The following ZNF816 variants were observed in gnomAD, a reference collection of about 807,000 sequenced individuals.
The protein encoded by ZNF816 is zinc finger protein 816A.
ZNF816 carries 11 observed loss-of-function variants against 8.3 expected under a neutral mutation model. That is an observed-to-expected ratio of 1.32 (90% CI 0.83 to 2.19). The LOEUF (loss-of-function observed/expected upper bound fraction) is 2.19, where lower values mean the gene tolerates loss of function less well. Ranked by LOEUF, ZNF816 falls within the 30% of genes most tolerant of loss-of-function variation. The probability of loss-of-function intolerance (pLI) is 0.00; values close to 1 mark genes in which losing one functional copy is unlikely to be tolerated. For synonymous variants in ZNF816, 255 were observed against 254.5 expected (o/e 1.00, Z -0.02); for missense variants, 710 against 779.3 (o/e 0.91, Z 1.06).
chr19:52,961,645 C>T (rs1365010608), intron 1 of ZNF816, among the ~76,000 whole-genome samples: 2 of 152,186 alleles, frequency 1.3e-5, no homozygotes, highest in Non-Finnish European at 2.9e-5. Flanking sequence ...CCCAAGTTGC[C>T]ATTTTAGTCC....
chr19:52,951,025 G>C lies in ZNF816; in HGVS notation c.750C>G (p.Thr250=), dbSNP rs149141835. 24 of 1,613,820 alleles carry C rather than the reference G, an allele frequency of 1.5e-5. No homozygotes were observed. The highest frequency in any genetic ancestry group is 2.0e-5 in the Non-Finnish European group (24 of 1,179,986). The change falls in exon 4 of 4, where the codon ACC becomes ACG. Residue 250 remains threonine (T), a synonymous_variant. Coordinates refer to ENST00000444460, the MANE Select transcript of ZNF816 (RefSeq NM_001202457.3). ...YSSLLRRHHI[T]HSREREYKCD... ...ATTTATATTCTCTCTCTCTTGAATG[G>C]GTTATGTGGTGTCTCCTTAAGAGTG... is the stretch of plus-strand genomic sequence containing the variant.
intron 1 of ZNF816, 116 bp downstream of exon 1, chr19:52,962,611 C>A (rs2083567180): frequency 6.6e-6 from 1 of 152,196 alleles, no homozygotes; most frequent in Non-Finnish European, 1.5e-5. Flanking sequence ...AAGGGTTTTG[C>A]TAAGGAAAGT....
rs148507160 is a variant in ZNF816, at chr19:52,960,897, C to T, written c.-16+1830G>A. The stretch of plus-strand genomic sequence containing the variant: ...CGACAAGCCCTGCTCCAGTCACACC[C>T]GGAAGCTGACTGGTCCTACGCACAG... On this transcript the variant is annotated intron_variant, in intron 1 of 3. Transcript: ENST00000444460. Among the ~76,000 whole-genome samples the T allele has an allele frequency of 3.8e-4, 58 of 152,292 alleles. No homozygotes were observed. In the East Asian group the frequency reaches 8.9e-3, roughly 23 times the overall value.
intron 3 of ZNF816, 148 bp from the exon 4 acceptor site, chr19:52,951,732 T>A: frequency 1.3e-6 from 1 of 769,094 alleles, no homozygotes; most frequent in Non-Finnish European, 1.9e-6. Context: ...ACACTGTCTC[T>A]ACTGAACATA....
chr19:52,954,750 A>T (rs528632573), intron 2 of ZNF816, among the ~76,000 whole-genome samples: 1 of 149,140 alleles, frequency 6.7e-6, no homozygotes, highest in African/African-American at 2.5e-5. Context: ...TTTGAACCTG[A>T]GAGCCAGAGG....
intron 1 of ZNF816, among the ~76,000 whole-genome samples, chr19:52,961,794 A>G (rs181906012): frequency 2.6e-4 from 40 of 152,252 alleles, no homozygotes; most frequent in East Asian, 5.8e-4. Flanking sequence ...CATTCCCTCA[A>G]TGTTGCTTCT....
chr19:52,949,427 CA>C lies in ZNF816; in HGVS notation c.*391del, dbSNP rs1230577143. On this transcript the variant is annotated 3_prime_UTR_variant, in exon 4 of 4. Transcript: ENST00000444460. ...TTCATTTTATTTGGAACAATTATCT[CA>C]AAAATGAATTTTCTGATGTTCTGCA... 1 of 298,614 alleles carries C rather than the reference CA, an allele frequency of 3.3e-6. No individual in the cohort carries two copies. The highest frequency in any genetic ancestry group is 6.7e-6 in the Non-Finnish European group (1 of 150,354). The allele number at this position is 298,614 out of a possible 1,614,324, so 18.5% of individuals were successfully genotyped here.
At chr19:52,959,056 G>A (rs529765201) in intron 1 of ZNF816, among the ~76,000 whole-genome samples, 126 of 152,354 alleles carry the variant, frequency 8.3e-4, no homozygotes, top group African/African-American at 2.9e-3. Context: ...GGCCCTGGCC[G>A]AGGCCAGTGG....
rs1252741740 is a variant in ZNF816, at chr19:52,951,178, G to C, written c.597C>G (p.Leu199=). ...ASESQRISCR[L]KTHISNKYGK... The stretch of plus-strand genomic sequence containing the variant: ...CATACTTATTAGAAATATGAGTTTT[G>C]AGCCTACAAGAAATTCTTTGGGATT... The change falls in exon 4 of 4, where the codon CTC becomes CTG. Residue 199 remains leucine, a synonymous_variant. Coordinates refer to ENST00000444460, the MANE Select transcript of ZNF816 (RefSeq NM_001202457.3). The C allele has an allele frequency of 2.5e-6, 4 of 1,612,738 alleles. No homozygotes were observed. The African/African-American group carries it at 4.1e-5, about 16-fold the overall frequency.
chr19:52,949,541 G>A lies in ZNF816; in HGVS notation c.*278C>T. The A allele has an allele frequency of 1.5e-6, 1 of 657,558 alleles. No homozygotes were observed. Among genetic ancestry groups the A allele is most frequent in the Non-Finnish European group, 2.9e-6 (1 of 349,708 alleles). The allele number at this position is 657,558 out of a possible 1,614,324, so 40.7% of individuals were successfully genotyped here. A position where few individuals can be genotyped will look rare whatever the true frequency, so the allele number is the denominator to read the frequency against. ...AATTCTCTGATGTCTAATGAGGTGT[G>A]AACATGAAGTAAAGGCTTTGCCACA... On this transcript the variant is annotated 3_prime_UTR_variant, in exon 4 of 4. Transcript: ENST00000444460.
At position 52,949,492 on chromosome 19, in the gene ZNF816, T is replaced by G; in HGVS notation, c.*327A>C. ...GAGTGAAGACCTTGCCACCCTTACA[T>G]TTGTAAGGCATCTGTCCAGTATGAA... is the stretch of plus-strand genomic sequence containing the variant. On this transcript the variant is annotated 3_prime_UTR_variant, in exon 4 of 4. Transcript: ENST00000444460. 5.8e-6 allele frequency: 3 copies of G among 513,344 alleles called. No individual in the cohort carries two copies. The highest frequency in any genetic ancestry group is 7.5e-6 in the Non-Finnish European group (2 of 266,366). 31.8% of individuals were successfully genotyped at this position (513,344 alleles called of 1,614,324 possible).
At chr19:52,952,608 A>C in intron 3 of ZNF816, 143 bp downstream of exon 3, 6 of 1,477,754 alleles carry the variant, frequency 4.1e-6, no homozygotes, top group Non-Finnish European at 5.4e-6. Context: ...TCCATGACAG[A>C]TAGGAGGGTC....
At position 52,949,657 on chromosome 19, in the gene ZNF816, T is replaced by G. The variant is rs1377339915; in HGVS notation, c.*162A>C. 5 of 1,113,340 alleles carry G rather than the reference T, an allele frequency of 4.5e-6. No homozygotes were observed. The highest frequency in any genetic ancestry group is 6.8e-6 in the Non-Finnish European group (5 of 740,122). The allele number at this position is 1,113,340 out of a possible 1,614,324, so 69.0% of individuals were successfully genotyped here. A position where few individuals can be genotyped will look rare whatever the true frequency, so the allele number is the denominator to read the frequency against. Reference sequence around the variant, plus strand: ...TGAAGACCTTGTCACAGTCATGATATTTGTAAGGTTTCTCTCCAGTATGAG... The same window carrying G: ...TGAAGACCTTGTCACAGTCATGATAGTTGTAAGGTTTCTCTCCAGTATGAG... On this transcript the variant is annotated 3_prime_UTR_variant, in exon 4 of 4. Transcript: ENST00000444460.
At position 52,950,421 on chromosome 19, in the gene ZNF816, G is replaced by C. The variant is rs765115565; in HGVS notation, c.1354C>G (p.Pro452Ala). ...CTGCCACATTTATTACACTTGTATGGTTTCTCTCCAGTATGAACTCTCTGA... is the reference window on the plus strand; with the variant it reads ...CTGCCACATTTATTACACTTGTATGCTTTCTCTCCAGTATGAACTCTCTGA... ...EHQRVHTGEK[P>A]YKCNKCGRSF... The change falls in exon 4 of 4, where the codon CCA becomes GCA. Residue 452 changes from proline (P) to alanine (A), a missense_variant. Coordinates refer to ENST00000444460, the MANE Select transcript of ZNF816 (RefSeq NM_001202457.3). 1.9e-6 allele frequency: 3 copies of C among 1,613,224 alleles called. No homozygotes were observed. Among genetic ancestry groups the C allele is most frequent in the Non-Finnish European group, 2.5e-6 (3 of 1,179,922 alleles).
intron 1 of ZNF816, among the ~76,000 whole-genome samples, chr19:52,962,464 C>A (rs1442098354): frequency 1.3e-5 from 2 of 152,034 alleles, no homozygotes; most frequent in African/African-American, 4.8e-5. Flanking sequence ...AAAGCACCGG[C>A]CACCCTGGGG....
chr19:52,949,846 A>G lies in ZNF816; in HGVS notation c.1929T>C (p.His643=), dbSNP rs761417346. ...QSTLIHHQAI[H]GCRETLQM ...ACATTTGTAAAGTTTCCCTACACCC[A>G]TGGATTGCTTGATGGTGAATAAGTG... The change falls in exon 4 of 4, where the codon CAT becomes CAC. Residue 643 remains histidine, a synonymous_variant. Coordinates refer to ENST00000444460, the MANE Select transcript of ZNF816 (RefSeq NM_001202457.3). 14 of 1,613,680 alleles carry G rather than the reference A, an allele frequency of 8.7e-6. No individual in the cohort carries two copies. The Admixed American group carries it at 2.2e-4, about 25-fold the overall frequency.
At chr19:52,961,809 A>G (rs2083559401) in intron 1 of ZNF816, among the ~76,000 whole-genome samples, 1 of 152,206 alleles carries the variant, frequency 6.6e-6, no homozygotes, top group East Asian at 1.9e-4. Context: ...GCTTCTTGTT[A>G]TGTACGCGGA....
chr19:52,950,990 C>T lies in ZNF816; in HGVS notation c.785G>A (p.Cys262Tyr). Reference sequence around the variant, plus strand: ...TTGCTTCTGATTAAAGATCTTGCCACATACATCACATTTATATTCTCTCTC... The same window carrying T: ...TTGCTTCTGATTAAAGATCTTGCCATATACATCACATTTATATTCTCTCTC... ...SREREYKCDVCGKIFNQKQYI... is the reference protein window; with the variant it reads ...SREREYKCDVYGKIFNQKQYI... Residue 262 changes from cysteine to tyrosine, a missense_variant, in exon 4 of 4, where the codon TGT becomes TAT. Physicochemically the swap from Cys to Tyr is radical, Grantham distance 194 (BLOSUM62 -2). Coordinates refer to ENST00000444460, the MANE Select transcript of ZNF816 (RefSeq NM_001202457.3). 1 of 1,614,174 alleles carries T rather than the reference C, an allele frequency of 6.2e-7. No homozygotes were observed.
Position 52,950,837 on chromosome 19 carries a change from T to A in ZNF816, c.938A>T (p.Tyr313Phe), listed in dbSNP as rs768289791. ...HRRLHTGEKP[Y>F]KCNECGKTFS... The stretch of plus-strand genomic sequence containing the variant: ...GGTCTTGCCACACTCATTACACTTG[T>A]AAGGTTTCTCTCCAGTATGAAGTCT... The change falls in exon 4 of 4, where the codon TAC (tyrosine) becomes TTC (phenylalanine). Residue 313 changes from tyrosine to phenylalanine, a missense_variant. Transcript: ENST00000444460. 1 of 1,614,068 alleles carries A rather than the reference T, an allele frequency of 6.2e-7. No homozygotes were observed. Among genetic ancestry groups the A allele is most frequent in the Non-Finnish European group, 8.5e-7 (1 of 1,180,012 alleles).
Sources: gnomAD v4.1 joint callset for allele counts (sites outside exome capture counted in the v4.1 genomes callset) on GRCh38, gnomAD v4.1.1 for gene constraint, MANE v1.5 for transcripts, NCBI Gene and HGNC (gene_info 2026-07-23, HGNC 2026-07-21) for gene names.